Variants in ANKRD26 observed in about 807,000 individuals in gnomAD.
The protein encoded by ANKRD26 is ankyrin repeat domain 26, also known as ankyrin repeat domain-containing protein 26.
In ANKRD26, 141 loss-of-function variants were observed where a neutral mutation model predicts 208.7. The observed-to-expected ratio is 0.68, with a 90% CI of 0.59 to 0.78. The LOEUF is 0.78. Ranked by LOEUF, ANKRD26 falls within the 30% of genes least tolerant of loss-of-function variation. ANKRD26 has a pLI of 0.00. For missense variants in ANKRD26, 1,889 were observed against 1,938.7 expected, an observed-to-expected ratio of 0.97 and a Z score of 0.48; for synonymous variants, 636 against 660.4, an observed-to-expected ratio of 0.96 and a Z score of 0.57.
intron 6 of ANKRD26, among the ~76,000 whole-genome samples, chr10:27,080,396 G>T (rs1172716898): frequency 1.3e-5 from 2 of 151,982 alleles, no homozygotes; most frequent in Non-Finnish European, 2.9e-5. Context: ...AAGCTAGATG[G>T]GCAAAAGTCA....
chr10:27,023,796 C>T lies in ANKRD26; in HGVS notation c.4085+651G>A, dbSNP rs377710356. Among the ~76,000 whole-genome samples the T allele has an allele frequency of 2.0e-5, 3 of 152,040 alleles. No homozygotes were observed. In the East Asian group the frequency reaches 5.8e-4, roughly 29 times the overall value. Reference sequence around the variant, plus strand: ...GCTTCCAAGGCAATGGGTAACATTCCATTTTTAAATCTGGATAGTAGAAAC... The same window carrying T: ...GCTTCCAAGGCAATGGGTAACATTCTATTTTTAAATCTGGATAGTAGAAAC... On this transcript the variant is annotated intron_variant, in intron 28 of 33. Coordinates refer to ENST00000376087, the MANE Select transcript of ANKRD26 (RefSeq NM_014915.3).
At chr10:27,079,028 A>T in intron 7 of ANKRD26, 61 bp downstream of exon 7, 1 of 1,447,638 alleles carries the variant, frequency 6.9e-7, no homozygotes, top group Non-Finnish European at 9.7e-7. Flanking sequence ...AAATTTTAAG[A>T]GAATACTATA....
chr10:27,090,499 C>A (rs968987694), intron 4 of ANKRD26, among the ~76,000 whole-genome samples: 1 of 152,084 alleles, frequency 6.6e-6, no homozygotes, highest in Non-Finnish European at 1.5e-5. Flanking sequence ...TAGTATCTTG[C>A]CTGTCTGTGT....
At chr10:27,073,425 A>G (rs2135546990) in intron 9 of ANKRD26, among the ~76,000 whole-genome samples, 1 of 152,282 alleles carries the variant, frequency 6.6e-6, no homozygotes, top group South Asian at 2.1e-4. Flanking sequence ...ATCCCTCTCT[A>G]TATGGAACAT....
the ANKRD26 span, among the ~76,000 whole-genome samples, chr10:26,964,902 T>C: frequency 1.3e-5 from 2 of 152,220 alleles, no homozygotes; most frequent in African/African-American, 4.8e-5. Flanking sequence ...AAATCTGAGA[T>C]AAACTTTGAT....
chr10:27,096,600 C>T (rs1246802206), intron 1 of ANKRD26, among the ~76,000 whole-genome samples: 1 of 151,378 alleles, frequency 6.6e-6, no homozygotes, highest in East Asian at 2.0e-4. Context: ...CCCGTCTCTA[C>T]TAAAAATACA....
At chr10:27,062,044 T>A in intron 12 of ANKRD26, 1 of 985,294 alleles carries the variant, frequency 1.0e-6, no homozygotes. Flanking sequence ...AGTTTCCTCA[T>A]CGTTAACTCC....
At chr10:26,994,339 T>C (rs1047300131) in intron 5 of ANKRD26, among the ~76,000 whole-genome samples, 2 of 152,218 alleles carry the variant, frequency 1.3e-5, no homozygotes, top group African/African-American at 4.8e-5. Context: ...AATGACAGTT[T>C]CCAATAATAT....
the ANKRD26 span, among the ~76,000 whole-genome samples, chr10:26,954,948 C>T: frequency 6.7e-6 from 1 of 148,864 alleles, no homozygotes; most frequent in South Asian, 2.2e-4. Flanking sequence ...CAGTTTTGTG[C>T]ATCTAGTAAG....
chr10:27,094,780 T>G (rs138024606), intron 1 of ANKRD26, among the ~76,000 whole-genome samples: 1 of 152,194 alleles, frequency 6.6e-6, no homozygotes, highest in East Asian at 1.9e-4. Flanking sequence ...GTAGGATGAC[T>G]GCTTGAGTCC....
At chr10:26,947,689 T>C in the ANKRD26 span, among the ~76,000 whole-genome samples, 1 of 152,220 alleles carries the variant, frequency 6.6e-6, no homozygotes, top group African/African-American at 2.4e-5. Flanking sequence ...CTGGAATTCA[T>C]GCCCTTCATT....
the ANKRD26 span, among the ~76,000 whole-genome samples, chr10:26,967,020 C>T: frequency 6.6e-6 from 1 of 152,150 alleles, no homozygotes; most frequent in African/African-American, 2.4e-5. Context: ...TGGCCACGAC[C>T]ACTAATCATA....
At chr10:26,976,005 C>T (rs370469013) in exon 6 of ANKRD26, among the ~76,000 whole-genome samples, 86 of 152,018 alleles carry the variant, frequency 5.7e-4, no homozygotes, top group African/African-American at 2.0e-3. Context: ...ATTGCAACCT[C>T]ATCTTTTTTT....
the ANKRD26 span, among the ~76,000 whole-genome samples, chr10:26,951,033 T>TTTTTTTTTTTTTTTTTTC: frequency 6.9e-6 from 1 of 145,890 alleles, no homozygotes; most frequent in Non-Finnish European, 1.5e-5. Flanking sequence ...TTTTTTTTTT[T>TTTTTTTTTTTTTTTTTTC]TTTTGCAGTT....
At chr10:26,998,104 T>A (rs1431349984) in intron 4 of ANKRD26, among the ~76,000 whole-genome samples, 1 of 152,242 alleles carries the variant, frequency 6.6e-6, no homozygotes, top group Non-Finnish European at 1.5e-5. Flanking sequence ...CTAAGGTAAC[T>A]AGTTTATTAG....
At chr10:26,993,635 T>C (rs1397260443) in intron 5 of ANKRD26, among the ~76,000 whole-genome samples, 1 of 152,210 alleles carries the variant, frequency 6.6e-6, no homozygotes, top group Non-Finnish European at 1.5e-5. Flanking sequence ...CTGAAAACCT[T>C]TTCCCATGTG....
At chr10:26,990,509 T>C (rs1299291553), downstream of ANKRD26, among the ~76,000 whole-genome samples, 1 of 152,170 alleles carries the variant, frequency 6.6e-6, no homozygotes, top group Non-Finnish European at 1.5e-5. Context: ...TGGCACAGTG[T>C]GTCAAGGGCT....
intron 16 of ANKRD26, 137 bp from the exon 17 acceptor site, chr10:27,049,116 A>G: frequency 1.5e-6 from 1 of 682,614 alleles, no homozygotes; most frequent in Non-Finnish European, 2.4e-6. Context: ...GCTTACTCTA[A>G]TGGGATCATT....
chr10:27,078,126 A>G (rs981479837), intron 7 of ANKRD26, among the ~76,000 whole-genome samples: 5 of 152,208 alleles, frequency 3.3e-5, no homozygotes, highest in Non-Finnish European at 7.3e-5. Flanking sequence ...AACTGTGAGC[A>G]TTTTGTTCTT....
Sources: allele counts gnomAD v4.1 joint callset (sites outside exome capture counted in the v4.1 genomes callset), GRCh38; gene constraint gnomAD v4.1.1; transcripts MANE v1.5; gene names NCBI Gene and HGNC (gene_info 2026-07-23, HGNC 2026-07-21).